ATXN7L1: variants seen among roughly 807,000 people sequenced by gnomAD.
The protein encoded by ATXN7L1 is ataxin 7 like 1, also known as ataxin-7-like protein 1.
A neutral mutation model predicts 70.8 loss-of-function variants in ATXN7L1; 15 were observed. That is an observed-to-expected ratio of 0.21 (90% CI 0.14 to 0.33). ATXN7L1 has a LOEUF of 0.33. ATXN7L1 is among the 10% of genes least tolerant of loss of function. The pLI, the probability that ATXN7L1 is intolerant of heterozygous loss-of-function variation, is 1.00. For synonymous variants in ATXN7L1, 440 were observed against 445.1 expected (o/e 0.99, Z 0.14); for missense variants, 975 against 1,097.1 (o/e 0.89, Z 1.57).
chr7:105,859,853 G>T (rs2116651433), intron 2 of ATXN7L1, among the ~76,000 whole-genome samples: 1 of 145,280 alleles, frequency 6.9e-6, no homozygotes, highest in East Asian at 2.0e-4. Context: ...CACGATCTCA[G>T]CTCACTCCAA....
At chr7:105,842,792 C>T (rs1453697824) in intron 2 of ATXN7L1, among the ~76,000 whole-genome samples, 2 of 152,172 alleles carry the variant, frequency 1.3e-5, no homozygotes, top group Non-Finnish European at 2.9e-5. Flanking sequence ...GTGGCTGTGC[C>T]ATTTTACATT....
At chr7:105,829,193 G>A (rs866009195) in intron 2 of ATXN7L1, among the ~76,000 whole-genome samples, 3 of 152,092 alleles carry the variant, frequency 2.0e-5, no homozygotes, top group African/African-American at 7.2e-5. Flanking sequence ...AGGCTGAGGC[G>A]GGTGGATCAC....
chr7:105,778,836 A>G (rs1687731480), intron 3 of ATXN7L1, among the ~76,000 whole-genome samples: 1 of 152,214 alleles, frequency 6.6e-6, no homozygotes, highest in Admixed American at 6.5e-5. Context: ...TTAAAGGTCT[A>G]TTTCAAATGC....
At chr7:105,697,395 C>G (rs1008276748) in intron 3 of ATXN7L1, among the ~76,000 whole-genome samples, 1 of 152,208 alleles carries the variant, frequency 6.6e-6, no homozygotes, top group Non-Finnish European at 1.5e-5. Context: ...AAGAATTCAG[C>G]GATATTTCTC....
intron 7 of ATXN7L1, among the ~76,000 whole-genome samples, chr7:105,631,659 G>A (rs1193481728): frequency 6.6e-6 from 1 of 152,166 alleles, no homozygotes; most frequent in African/African-American, 2.4e-5. Context: ...TAGAAGCAGG[G>A]TTTCACCATG....
At position 105,660,502 on chromosome 7, in the gene ATXN7L1, A is replaced by T. The variant is rs1319507708; in HGVS notation, c.578+4564T>A. On this transcript the variant is annotated intron_variant, in intron 4 of 11. Coordinates refer to ENST00000419735, the MANE Select transcript of ATXN7L1 (RefSeq NM_020725.2). ...TGGTAAAATAGACATAACATTAAAA[A>T]TTTACCATTCTAATTCCATTCTCTT... 2.0e-5 allele frequency among the ~76,000 whole-genome samples: 3 copies of T among 149,866 alleles called. No homozygotes were observed. The South Asian group carries it at 6.3e-4, about 32-fold the overall frequency.
Position 105,730,026 on chromosome 7 carries a change from C to A in ATXN7L1, c.355+58578G>T, listed in dbSNP as rs180883650. Among the ~76,000 whole-genome samples the A allele has an allele frequency of 4.5e-3, 679 of 152,268 alleles. 2 individuals are homozygous for A. The highest frequency in any genetic ancestry group is 6.6e-3 in the Non-Finnish European group (446 of 68,008). ...TGCTGGGATTACAGGCGTGAGCCACCACTCCCGGCCCCTCCCCACTTCTTA... is the reference window on the plus strand; with the variant it reads ...TGCTGGGATTACAGGCGTGAGCCACAACTCCCGGCCCCTCCCCACTTCTTA... On this transcript the variant is annotated intron_variant, in intron 3 of 11. Coordinates refer to ENST00000419735, the MANE Select transcript of ATXN7L1 (RefSeq NM_020725.2).
intron 4 of ATXN7L1, 39 bp from the exon 5 acceptor site, chr7:105,643,160 T>C (rs1372528124): frequency 2.7e-6 from 4 of 1,474,808 alleles, no homozygotes; most frequent in South Asian, 1.4e-5. Context: ...ATTGTCTTCT[T>C]TGATACATCT....
intron 3 of ATXN7L1, among the ~76,000 whole-genome samples, chr7:105,701,329 T>C (rs1792426855): frequency 6.6e-6 from 1 of 152,208 alleles, no homozygotes; most frequent in Admixed American, 6.5e-5. Context: ...CAAAGCAATG[T>C]CTATAATAAG....
At chr7:105,865,926 A>C (rs978557678) in intron 2 of ATXN7L1, among the ~76,000 whole-genome samples, 4 of 152,186 alleles carry the variant, frequency 2.6e-5, no homozygotes, top group Admixed American at 6.5e-5. Flanking sequence ...ACTTCATTAT[A>C]CATGGAATCA....
chr7:105,756,659 A>C (rs892086441), intron 3 of ATXN7L1, among the ~76,000 whole-genome samples: 1 of 152,224 alleles, frequency 6.6e-6, no homozygotes, highest in Admixed American at 6.5e-5. Flanking sequence ...GGAAGATTAA[A>C]TCTGGCTATT....
rs556048408 is a variant in ATXN7L1 at position 105,740,784 on chromosome 7, T to TTTTTTTTTTTTTG, written c.355+47819_355+47820insCAAAAAAAAAAAA. ...GGCTCCATTCATTTTTTTTTTTTTT[T>TTTTTTTTTTTTTG]AATGGAGTCTCACTCTGTCGCCCAG... On this transcript the variant is annotated intron_variant, in intron 3 of 11. Coordinates refer to ENST00000419735, the MANE Select transcript of ATXN7L1 (RefSeq NM_020725.2). Among the ~76,000 whole-genome samples the TTTTTTTTTTTTTG allele has an allele frequency of 2.7e-4, 21 of 77,924 alleles. 3 individuals are homozygous for TTTTTTTTTTTTTG. Among genetic ancestry groups the TTTTTTTTTTTTTG allele is most frequent in the African/African-American group, 6.7e-4 (11 of 16,358 alleles). The allele number at this position is 77,924 out of a possible 152,430, so 51.1% of individuals were successfully genotyped here.
intron 2 of ATXN7L1, among the ~76,000 whole-genome samples, chr7:105,849,656 T>C (rs567094981): frequency 6.6e-6 from 1 of 152,352 alleles, no homozygotes; most frequent in Admixed American, 6.5e-5. Context: ...TCCTTCTAAG[T>C]GAAGTGAACA....
intron 2 of ATXN7L1, among the ~76,000 whole-genome samples, chr7:105,873,175 A>G (rs536568190): frequency 1.4e-3 from 209 of 152,146 alleles, no homozygotes; most frequent in African/African-American, 4.8e-3. Context: ...ACAAAACAAA[A>G]CAAAACAAAA....
At chr7:105,662,361 C>T (rs1472847892) in intron 4 of ATXN7L1, among the ~76,000 whole-genome samples, 1 of 152,108 alleles carries the variant, frequency 6.6e-6, no homozygotes, top group Non-Finnish European at 1.5e-5. Context: ...CTCGGCCTCC[C>T]AAAGTGCTGG....
At chr7:105,842,035 C>A (rs1183658183) in intron 2 of ATXN7L1, among the ~76,000 whole-genome samples, 1 of 152,170 alleles carries the variant, frequency 6.6e-6, no homozygotes, top group African/African-American at 2.4e-5. Flanking sequence ...AGATGGGGAA[C>A]TAGAATTCTT....
chr7:105,691,672 A>T (rs201447586), intron 3 of ATXN7L1: 2 of 136,940 alleles, frequency 1.5e-5, no homozygotes, highest in Non-Finnish European at 3.2e-5. Context: ...AAAAAAAAAA[A>T]GAAAAAAAAA....
intron 3 of ATXN7L1, among the ~76,000 whole-genome samples, chr7:105,710,386 G>C (rs565343037): frequency 2.7e-5 from 4 of 150,078 alleles, no homozygotes; most frequent in Non-Finnish European, 5.9e-5. Context: ...ACAGTGAAGA[G>C]GGAGGTGCCA....
intron 9 of ATXN7L1, chr7:105,618,073 T>C: frequency 2.2e-6 from 1 of 456,712 alleles, no homozygotes; most frequent in Non-Finnish European, 4.4e-6. Context: ...AGGGACCTGA[T>C]GCCCTGTGGC....
Sources: gnomAD v4.1 joint callset for allele counts (sites outside exome capture counted in the v4.1 genomes callset) on GRCh38, gnomAD v4.1.1 for gene constraint, MANE v1.5 for transcripts, NCBI Gene and HGNC (gene_info 2026-07-23, HGNC 2026-07-21) for gene names.